FGF14: variants seen among roughly 807,000 people sequenced by gnomAD.
The protein encoded by FGF14 is fibroblast growth factor 14, also known as fibroblast growth factor homologous factor 4.
In FGF14, 5 loss-of-function variants were observed where a neutral mutation model predicts 25.5. The observed-to-expected ratio is 0.20, with a 90% confidence interval of 0.10 to 0.41. FGF14 has a LOEUF of 0.41. Ranked by LOEUF, FGF14 falls within the 10% of genes least tolerant of loss-of-function variation. The pLI is 1.00. For synonymous variants in FGF14, 138 were observed against 118.3 expected (o/e 1.17, Z -1.08); for missense variants, 222 against 320.1 (o/e 0.69, Z 2.34).
In FGF14 at chr13:101,714,831, G is replaced by T; in HGVS notation, c.*8000C>A. The T allele has an allele frequency of 2.4e-6, 1 of 409,448 alleles. No homozygotes were observed. Among genetic ancestry groups the T allele is most frequent in the Non-Finnish European group, 4.4e-6 (1 of 227,258 alleles). 25.4% of individuals were successfully genotyped at this position (409,448 alleles called of 1,614,324 possible). On this transcript the variant is annotated 3_prime_UTR_variant, in exon 5 of 5. Coordinates refer to ENST00000376143, the MANE Select transcript of FGF14 (RefSeq NM_004115.4). ...CCCTCAAACTCACATGTATGCAGTT[G>T]TATATTGAACACAGAAAAGAATTTT...
chr13:101,820,488 G>A (rs1316143735), intron 3 of FGF14, among the ~76,000 whole-genome samples: 1 of 152,096 alleles, frequency 6.6e-6, no homozygotes, highest in East Asian at 1.9e-4. Context: ...TGGGTTGAAC[G>A]TGTGCAGCAA....
At chr13:102,101,346 C>T (rs1205434411) in intron 1 of FGF14, among the ~76,000 whole-genome samples, 4 of 152,062 alleles carry the variant, frequency 2.6e-5, no homozygotes, top group Admixed American at 2.6e-4. Context: ...CTGGGCCTTC[C>T]CCTATAATTA....
At chr13:101,974,993 G>A (rs985344120) in intron 1 of FGF14, among the ~76,000 whole-genome samples, 8 of 152,132 alleles carry the variant, frequency 5.3e-5, no homozygotes, top group African/African-American at 1.9e-4. Context: ...GGCTGGGAGA[G>A]GCAGGGGAGT....
At chr13:101,851,746 T>A (rs2043861909) in intron 3 of FGF14, among the ~76,000 whole-genome samples, 1 of 152,032 alleles carries the variant, frequency 6.6e-6, no homozygotes, top group Non-Finnish European at 1.5e-5. Flanking sequence ...TCTGAGTACT[T>A]TAATCTTTTA....
chr13:101,841,323 A>G (rs2043181227), intron 3 of FGF14, among the ~76,000 whole-genome samples: 1 of 151,910 alleles, frequency 6.6e-6, no homozygotes, highest in Admixed American at 6.6e-5. Context: ...CACCGATTGA[A>G]CTGAAAAAAG....
In FGF14 at chr13:101,914,019, CAAT is replaced by C. The variant is rs1413227395; in HGVS notation, c.193+2431_193+2433del. ...CAGAGCCTAACAGATTGTAAAGATT[CAAT>C]AATTGTTATATTATTTTCAGCTATA... is the stretch of plus-strand genomic sequence containing the variant. On this transcript the variant is annotated intron_variant, in intron 1 of 4. Coordinates refer to ENST00000376143, the MANE Select transcript of FGF14 (RefSeq NM_004115.4). 2.6e-5 allele frequency among the ~76,000 whole-genome samples: 4 copies of C among 151,996 alleles called. No individual in the cohort carries two copies. The East Asian group carries it at 7.7e-4, about 29-fold the overall frequency.
intron 3 of FGF14, among the ~76,000 whole-genome samples, chr13:101,829,104 A>T (rs1382445263): frequency 6.6e-6 from 1 of 152,104 alleles, no homozygotes; most frequent in Non-Finnish European, 1.5e-5. Context: ...GTAAGCACTG[A>T]CATCCAGGAA....
At chr13:101,770,933 A>G (rs1489694554) in intron 3 of FGF14, among the ~76,000 whole-genome samples, 1 of 152,162 alleles carries the variant, frequency 6.6e-6, no homozygotes, top group South Asian at 2.1e-4. Context: ...GCACAGATTT[A>G]AAACTATATT....
intron 1 of FGF14, among the ~76,000 whole-genome samples, chr13:101,972,184 C>T (rs556322605): frequency 3.3e-5 from 5 of 152,266 alleles, no homozygotes; most frequent in East Asian, 3.9e-4. Context: ...TCCTGCTTTC[C>T]GAGGCACTCT....
At chr13:102,030,231 T>C (rs16959636) in intron 1 of FGF14, among the ~76,000 whole-genome samples, 5,931 of 152,170 alleles carry the variant, frequency 0.039, 377 homozygotes, top group African/African-American at 0.13. Context: ...CAAGAAAAAC[T>C]GTACTTTGTA....
chr13:101,954,573 G>A (rs2036390609), intron 1 of FGF14, among the ~76,000 whole-genome samples: 1 of 152,180 alleles, frequency 6.6e-6, no homozygotes, highest in South Asian at 2.1e-4. Context: ...TCCTTCTGTT[G>A]GTTGTTAACC....
At chr13:101,799,077 A>G (rs781585034) in intron 3 of FGF14, among the ~76,000 whole-genome samples, 2 of 152,176 alleles carry the variant, frequency 1.3e-5, no homozygotes, top group Non-Finnish European at 2.9e-5. Flanking sequence ...GCTGCATACG[A>G]ATGACTTCCA....
chr13:101,998,167 A>G (rs2039290435), intron 1 of FGF14, among the ~76,000 whole-genome samples: 1 of 152,212 alleles, frequency 6.6e-6, no homozygotes, highest in African/African-American at 2.4e-5. Flanking sequence ...TATTAAAAAA[A>G]GCACTGATGC....
intron 1 of FGF14, among the ~76,000 whole-genome samples, chr13:102,208,079 T>C (rs372032567): frequency 6.6e-5 from 10 of 152,324 alleles, no homozygotes; most frequent in African/African-American, 1.7e-4. Context: ...AAGGTTAATA[T>C]AGCATTTGAA....
intron 1 of FGF14, among the ~76,000 whole-genome samples, chr13:102,285,726 T>A (rs1248956415): frequency 2.6e-5 from 4 of 152,230 alleles, no homozygotes; most frequent in African/African-American, 9.6e-5. Context: ...CCCAGCACTG[T>A]TCTAAATATT....
At chr13:101,832,477 C>T in intron 3 of FGF14, among the ~76,000 whole-genome samples, 1 of 151,984 alleles carries the variant, frequency 6.6e-6, no homozygotes, top group Non-Finnish European at 1.5e-5. Context: ...GTCATTAAAT[C>T]TAGGAAGAAG....
At chr13:101,744,191 AT>A (rs1372681510) in intron 3 of FGF14, among the ~76,000 whole-genome samples, 1 of 152,048 alleles carries the variant, frequency 6.6e-6, no homozygotes, top group Non-Finnish European at 1.5e-5. Flanking sequence ...CTTGTGGGTG[AT>A]TTTTTTATTG....
Position 102,400,611 on chromosome 13 carries a change from G to A in FGF14, c.208+860C>T, listed in dbSNP as rs748171170. ...TGGGATCCGACTCCCCAAATCAGATGCATTTGCATTTCTTATGTAATGTAC... is the reference window on the plus strand; with the variant it reads ...TGGGATCCGACTCCCCAAATCAGATACATTTGCATTTCTTATGTAATGTAC... On this transcript the variant is annotated intron_variant, in intron 1 of 4. Transcript: ENST00000376131. The surrounding 1 kb of genome is among the most constrained non-coding windows in gnomAD (Gnocchi z 4.3). Among the ~76,000 whole-genome samples, 2 of 152,186 alleles carry A rather than the reference G, an allele frequency of 1.3e-5. No homozygotes were observed. Among genetic ancestry groups the A allele is most frequent in the African/African-American group, 2.4e-5 (1 of 41,454 alleles).
chr13:101,818,595 C>A (rs2041956331), intron 3 of FGF14, among the ~76,000 whole-genome samples: 1 of 152,140 alleles, frequency 6.6e-6, no homozygotes, highest in African/African-American at 2.4e-5. Context: ...CAACTATATG[C>A]TTTAGCATTT....
Sources: gnomAD v4.1 joint callset for allele counts (sites outside exome capture counted in the v4.1 genomes callset) on GRCh38, gnomAD v4.1.1 for gene constraint, Gnocchi (gnomAD v3.1) non-coding constraint, MANE v1.5 for transcripts, NCBI Gene and HGNC (gene_info 2026-07-23, HGNC 2026-07-21) for gene names.